The following KCTD8 variants were observed in gnomAD, a reference collection of about 807,000 sequenced individuals.
KCTD8 encodes the protein BTB/POZ domain-containing protein KCTD8.
KCTD8 carries 27 observed loss-of-function variants against 31.5 expected under a neutral mutation model. That is an observed-to-expected ratio of 0.86 (90% CI 0.63 to 1.18). The LOEUF (loss-of-function observed/expected upper bound fraction) is 1.18, where lower values mean the gene tolerates loss of function less well. Among genes scored for constraint, KCTD8 ranks in the 50% most tolerant of loss-of-function variants. The pLI is 0.00. For missense variants in KCTD8, 658 were observed against 647.7 expected (o/e 1.02, Z -0.17); for synonymous variants, 290 against 280.0 (o/e 1.04, Z -0.36).
chr4:44,174,821 T>C lies in KCTD8; in HGVS notation c.1391A>G (p.Gln464Arg). ...CCCATACTTCTGCAACAGTTCAGAT[T>C]GCCATTGGCGTTTGCGCTCTGGAAA... ...DYFPERKRQWQSELLQKYGL is the reference protein window; with the variant it reads ...DYFPERKRQWRSELLQKYGL Residue 464 changes from glutamine to arginine, a missense_variant, in exon 2 of 2, where the codon CAA becomes CGA. Physicochemically the swap from Gln to Arg is conservative, Grantham distance 43. Coordinates refer to ENST00000360029, the MANE Select transcript of KCTD8 (RefSeq NM_198353.3). 3 of 1,611,462 alleles carry C rather than the reference T, an allele frequency of 1.9e-6. No individual in the cohort carries two copies. Among genetic ancestry groups the C allele is most frequent in the Non-Finnish European group, 2.5e-6 (3 of 1,178,660 alleles).
At chr4:44,183,037 G>C (rs1011627988) in intron 1 of KCTD8, among the ~76,000 whole-genome samples, 7 of 152,134 alleles carry the variant, frequency 4.6e-5, no homozygotes, top group Admixed American at 1.3e-4. Context: ...TTGTTCACTT[G>C]AATACTGAGA....
intron 1 of KCTD8, among the ~76,000 whole-genome samples, chr4:44,361,809 C>G (rs907921565): frequency 6.6e-6 from 1 of 152,022 alleles, no homozygotes; most frequent in Admixed American, 6.6e-5. Flanking sequence ...AGAAAGCTTT[C>G]TTTGTGTCTG....
chr4:44,242,499 A>G (rs1053271142), intron 1 of KCTD8, among the ~76,000 whole-genome samples: 2 of 151,962 alleles, frequency 1.3e-5, no homozygotes, highest in African/African-American at 4.8e-5. Flanking sequence ...AATGGCGTGA[A>G]CCCGGGAGGC....
intron 1 of KCTD8, among the ~76,000 whole-genome samples, chr4:44,207,938 G>A (rs969935817): frequency 1.3e-5 from 2 of 152,186 alleles, no homozygotes; most frequent in African/African-American, 4.8e-5. Context: ...CACAGGCAGA[G>A]TAAGCAGGGA....
chr4:44,281,987 T>G (rs1403410298), intron 1 of KCTD8, among the ~76,000 whole-genome samples: 2 of 152,054 alleles, frequency 1.3e-5, no homozygotes. Flanking sequence ...TAATAAATAT[T>G]CTAAAATAAA....
At chr4:44,260,005 TC>T (rs990749831) in intron 1 of KCTD8, among the ~76,000 whole-genome samples, 1 of 151,878 alleles carries the variant, frequency 6.6e-6, no homozygotes, top group Non-Finnish European at 1.5e-5. Flanking sequence ...AATTCTGCTT[TC>T]CACAAGTCAT....
intron 1 of KCTD8, among the ~76,000 whole-genome samples, chr4:44,181,402 C>T (rs950472185): frequency 3.3e-5 from 5 of 152,168 alleles, no homozygotes; most frequent in African/African-American, 1.2e-4. Flanking sequence ...CGCACCACCA[C>T]GCCTGACTGG....
At chr4:44,247,768 T>A (rs1715709618) in intron 1 of KCTD8, among the ~76,000 whole-genome samples, 1 of 151,846 alleles carries the variant, frequency 6.6e-6, no homozygotes, top group Non-Finnish European at 1.5e-5. Context: ...TCCTCCAAGT[T>A]CATTCATGTT....
chr4:44,331,384 C>T (rs1027563763), intron 1 of KCTD8, among the ~76,000 whole-genome samples: 3 of 151,722 alleles, frequency 2.0e-5, no homozygotes, highest in Non-Finnish European at 3.0e-5. Flanking sequence ...CGCACTTTAA[C>T]GACCCTATTA....
intron 1 of KCTD8, among the ~76,000 whole-genome samples, chr4:44,340,700 T>A (rs1718875634): frequency 6.6e-6 from 1 of 152,184 alleles, no homozygotes; most frequent in African/African-American, 2.4e-5. Flanking sequence ...ACTGAACTAC[T>A]GATAATGCAA....
intron 1 of KCTD8, among the ~76,000 whole-genome samples, chr4:44,390,922 A>T (rs1333498344): frequency 6.6e-6 from 1 of 151,948 alleles, no homozygotes; most frequent in Non-Finnish European, 1.5e-5. Flanking sequence ...TTTGATCCAG[A>T]AATCCCATGA....
intron 1 of KCTD8, among the ~76,000 whole-genome samples, chr4:44,250,272 C>T (rs1414383159): frequency 6.6e-6 from 1 of 151,640 alleles, no homozygotes; most frequent in East Asian, 1.9e-4. Context: ...GTTTCTGTGT[C>T]CTCATATCTT....
intron 1 of KCTD8, among the ~76,000 whole-genome samples, chr4:44,326,775 A>C (rs10030498): frequency 3.3e-5 from 5 of 151,676 alleles, no homozygotes; most frequent in Admixed American, 3.3e-4. Flanking sequence ...CTAATACTCC[A>C]GTCTTTCCAA....
At position 44,352,593 on chromosome 4, in the gene KCTD8, TAA is replaced by T. The variant is rs953028093; in HGVS notation, c.961+94968_961+94969del. ...TTATTTCTATTAAAAATAGAAATAA[TAA>T]AAGAGAATAAAGACCAGATTTTTAG... On this transcript the variant is annotated intron_variant, in intron 1 of 1. Coordinates refer to ENST00000360029, the MANE Select transcript of KCTD8 (RefSeq NM_198353.3). 2.0e-4 allele frequency among the ~76,000 whole-genome samples: 19 copies of T among 96,794 alleles called. No homozygotes were observed. The South Asian group carries it at 3.1e-3, about 16-fold the overall frequency. The allele number at this position is 96,794 out of a possible 152,430, so 63.5% of individuals were successfully genotyped here. A position where few individuals can be genotyped will look rare whatever the true frequency, so the allele number is the denominator to read the frequency against.
chr4:44,358,545 C>G (rs1381498942), intron 1 of KCTD8, among the ~76,000 whole-genome samples: 2 of 151,256 alleles, frequency 1.3e-5, no homozygotes, highest in Non-Finnish European at 2.9e-5. Flanking sequence ...TCCACATCCT[C>G]TCCAGATCTG....
chr4:44,306,256 TATATCTCTA>T (rs1426762981), intron 1 of KCTD8, among the ~76,000 whole-genome samples: 2 of 152,054 alleles, frequency 1.3e-5, no homozygotes, highest in African/African-American at 4.8e-5. Context: ...TGATGATTGC[TATATCTCTA>T]ATATGCAACA....
Position 44,217,044 on chromosome 4 carries a change from C to T in KCTD8, c.962-41794G>A, listed in dbSNP as rs180680044. Among the ~76,000 whole-genome samples the T allele has an allele frequency of 2.5e-4, 37 of 145,960 alleles. 1 individual carries two copies. Among genetic ancestry groups the T allele is most frequent in the Admixed American group, 2.4e-3 (36 of 14,736 alleles). On this transcript the variant is annotated intron_variant, in intron 1 of 1. Coordinates refer to ENST00000360029, the MANE Select transcript of KCTD8 (RefSeq NM_198353.3). ...ATGAACAATTTTTTTAAAAACCTAA[C>T]CTTTAGAACTCTATGAATGATAGAG...
chr4:44,445,229 A>G (rs928289909), intron 1 of KCTD8, among the ~76,000 whole-genome samples: 1 of 152,218 alleles, frequency 6.6e-6, no homozygotes, highest in Non-Finnish European at 1.5e-5. Flanking sequence ...AAAAAATAAA[A>G]TAAATATATG....
intron 1 of KCTD8, among the ~76,000 whole-genome samples, chr4:44,367,453 T>C (rs555676232): frequency 9.9e-5 from 15 of 152,210 alleles, no homozygotes; most frequent in Admixed American, 4.6e-4. Context: ...CAGGAGGCTA[T>C]GATGTTTACA....
Sources: allele counts gnomAD v4.1 joint callset (sites outside exome capture counted in the v4.1 genomes callset), GRCh38; gene constraint gnomAD v4.1.1; transcripts MANE v1.5; gene names NCBI Gene and HGNC (gene_info 2026-07-23, HGNC 2026-07-21).